Variants in FOLH1 observed in about 807,000 individuals in gnomAD.
The protein encoded by FOLH1 is glutamate carboxypeptidase 2.
Under a neutral mutation model 93.9 loss-of-function variants are expected in FOLH1, and 54 were observed. That is an observed-to-expected ratio of 0.57 (90% CI 0.46 to 0.72). FOLH1 has a LOEUF of 0.72. Among genes scored for constraint, FOLH1 ranks in the 30% least tolerant of loss-of-function variants. The probability of loss-of-function intolerance (pLI) is 0.00; values close to 1 mark genes in which losing one functional copy is unlikely to be tolerated. For missense variants in FOLH1, 571 were observed against 892.5 expected, an observed-to-expected ratio of 0.64 and a Z score of 4.59; for synonymous variants, 249 against 303.6, an observed-to-expected ratio of 0.82 and a Z score of 1.87.
At position 49,208,077 on chromosome 11, in the gene FOLH1, G is replaced by A; in HGVS notation, c.118+215C>T. The A allele has an allele frequency of 4.8e-6, 3 of 627,880 alleles. No individual in the cohort carries two copies. In the South Asian group the frequency reaches 5.8e-5, roughly 12 times the overall value. 38.9% of individuals were successfully genotyped at this position (627,880 alleles called of 1,614,324 possible). A position where few individuals can be genotyped will look rare whatever the true frequency, so the allele number is the denominator to read the frequency against. ...AGTTCTACCCTCAACCTGAGTGACT[G>A]TCCTACCAGCAGCTTGTCGAGAACT... On this transcript the variant is annotated intron_variant, in intron 1 of 18. Transcript: ENST00000256999.
At chr11:49,199,642 G>T (rs1054573901) in intron 3 of FOLH1, among the ~76,000 whole-genome samples, 3 of 152,190 alleles carry the variant, frequency 2.0e-5, no homozygotes, top group African/African-American at 7.2e-5. Context: ...CAGGCGCAGT[G>T]CCTCACACGT....
At chr11:49,152,629 G>A (rs1856612145) in intron 17 of FOLH1, among the ~76,000 whole-genome samples, 1 of 151,836 alleles carries the variant, frequency 6.6e-6, no homozygotes, top group Admixed American at 6.6e-5. Flanking sequence ...ATTTTCAGCT[G>A]GTTCTTTTGG....
intron 7 of FOLH1, among the ~76,000 whole-genome samples, chr11:49,181,127 A>G (rs1212986805): frequency 8.7e-6 from 1 of 115,282 alleles, no homozygotes; most frequent in Non-Finnish European, 1.8e-5. Context: ...TTTTTTTTTG[A>G]GACGGAGTCT....
intron 17 of FOLH1, among the ~76,000 whole-genome samples, chr11:49,152,693 AT>A (rs1217901735): frequency 1.3e-5 from 2 of 151,938 alleles, no homozygotes; most frequent in Non-Finnish European, 2.9e-5. Flanking sequence ...ATTACTCTCC[AT>A]TTTTGCTAGA....
chr11:49,168,751 G>A lies in FOLH1; in HGVS notation c.1372+444C>T, dbSNP rs543159064. On this transcript the variant is annotated intron_variant, in intron 12 of 18. Coordinates refer to ENST00000256999, the MANE Select transcript of FOLH1 (RefSeq NM_004476.3). ...CTCCCAAAGTGCTGCGATTACAGGC[G>A]TGAGCCACCGCACCCCACAAATGAT... Among the ~76,000 whole-genome samples, 5 of 152,244 alleles carry A rather than the reference G, an allele frequency of 3.3e-5. No homozygotes were observed. The South Asian group carries it at 6.2e-4, about 19-fold the overall frequency.
chr11:49,200,475 A>C (rs1863152085), intron 2 of FOLH1, 34 bp from the exon 3 acceptor site: 2 of 1,604,662 alleles, frequency 1.2e-6, no homozygotes. Flanking sequence ...GTTAGATATT[A>C]ATGTTTAATC....
In FOLH1 at chr11:49,145,472, T is replaced by A. The variant is rs753153704; in HGVS notation, c.*1284A>T. On this transcript the variant is annotated 3_prime_UTR_variant, in exon 19 of 19. Transcript: ENST00000256999. ...AGCGGCCAAGAGCTTCTCCTGAAAT[T>A]GTCCTTTGCCAAATTTGTAGTAGAG... 1.3e-5 allele frequency among the ~76,000 whole-genome samples: 2 copies of A among 152,166 alleles called. No individual in the cohort carries two copies. Among genetic ancestry groups the A allele is most frequent in the African/African-American group, 2.4e-5 (1 of 41,444 alleles).
intron 15 of FOLH1, 125 bp from the exon 16 acceptor site, chr11:49,154,617 C>A: frequency 6.8e-7 from 1 of 1,468,026 alleles, no homozygotes; most frequent in Non-Finnish European, 9.0e-7. Flanking sequence ...TTAAGCATCT[C>A]AATAAGCTAC....
At chr11:49,174,325 A>G (rs1484435802) in intron 9 of FOLH1, among the ~76,000 whole-genome samples, 1 of 152,206 alleles carries the variant, frequency 6.6e-6, no homozygotes, top group Non-Finnish European at 1.5e-5. Flanking sequence ...GAAATACAGA[A>G]CAAAATAGTT....
intron 7 of FOLH1, 70 bp downstream of exon 7, chr11:49,183,079 A>C: frequency 1.5e-6 from 2 of 1,352,510 alleles, no homozygotes; most frequent in South Asian, 2.7e-5. Context: ...TGGAGATAAA[A>C]GCCTAACATT....
intron 13 of FOLH1, among the ~76,000 whole-genome samples, chr11:49,163,264 G>C (rs1161522043): frequency 6.6e-6 from 1 of 152,082 alleles, no homozygotes; most frequent in Non-Finnish European, 1.5e-5. Context: ...GTTAGCCAGA[G>C]AACACCAGTG....
At chr11:49,151,697 A>G (rs1241269272) in intron 17 of FOLH1, among the ~76,000 whole-genome samples, 2 of 152,218 alleles carry the variant, frequency 1.3e-5, no homozygotes, top group African/African-American at 2.4e-5. Flanking sequence ...AAAATAAAAC[A>G]AATATAGAAA....
intron 7 of FOLH1, among the ~76,000 whole-genome samples, chr11:49,181,107 AT>A (rs35889777): frequency 0.47 from 62,990 of 133,140 alleles, 14,147 homozygotes; most frequent in Admixed American, 0.57. Context: ...CATGTTTTAA[AT>A]TTTTTTTTTT....
At chr11:49,149,275 T>C (rs1856182272) in intron 17 of FOLH1, among the ~76,000 whole-genome samples, 1 of 152,164 alleles carries the variant, frequency 6.6e-6, no homozygotes, top group Non-Finnish European at 1.5e-5. Context: ...CTTAAAATTA[T>C]ATCGTTTCAA....
Position 49,208,448 on chromosome 11 carries a change from T to G in FOLH1, c.-39A>C. On this transcript the variant is annotated 5_prime_UTR_variant, in exon 1 of 19. Transcript: ENST00000256999. ...GAGCCGGCCTCCCGGGACCCGCGCC[T>G]GTGCTGCTGCTCTACTGCGCGCCCT... 6.9e-7 allele frequency: 1 copy of G among 1,451,074 alleles called. No homozygotes were observed. Among genetic ancestry groups the G allele is most frequent in the Non-Finnish European group, 9.5e-7 (1 of 1,054,180 alleles). The allele number at this position is 1,451,074 out of a possible 1,614,324, so 89.9% of individuals were successfully genotyped here. A position where few individuals can be genotyped will look rare whatever the true frequency, so the allele number is the denominator to read the frequency against.
intron 7 of FOLH1, among the ~76,000 whole-genome samples, chr11:49,180,265 C>T (rs1860565972): frequency 6.6e-6 from 1 of 152,146 alleles, no homozygotes; most frequent in Non-Finnish European, 1.5e-5. Flanking sequence ...GTAATTAGCC[C>T]TCCATGCAGG....
Position 49,146,517 on chromosome 11 carries a change from A to T in FOLH1, c.*239T>A. ...ATATTAGGCCATTCTCCTTAGATTT[A>T]ATACTGAGTTAAATTTTTCCACTTC... On this transcript the variant is annotated 3_prime_UTR_variant, in exon 19 of 19. Transcript: ENST00000256999. The T allele has an allele frequency of 2.7e-6, 1 of 369,976 alleles. No homozygotes were observed. The highest frequency in any genetic ancestry group is 4.8e-6 in the Non-Finnish European group (1 of 209,472). The allele number at this position is 369,976 out of a possible 1,614,324, so 22.9% of individuals were successfully genotyped here. A position where few individuals can be genotyped will look rare whatever the true frequency, so the allele number is the denominator to read the frequency against.
rs1326716348 is a variant in FOLH1 at position 49,145,212 on chromosome 11, T to C, written c.*1544A>G. Among the ~76,000 whole-genome samples, 1 of 152,168 alleles carries C rather than the reference T, an allele frequency of 6.6e-6. No individual in the cohort carries two copies. Among genetic ancestry groups the C allele is most frequent in the Non-Finnish European group, 1.5e-5 (1 of 68,020 alleles). On this transcript the variant is annotated 3_prime_UTR_variant, in exon 19 of 19. Transcript: ENST00000256999. ...TCTGGGCCCATTAAATAGTTCTTCT[T>C]TGTCACGTGTTAATGATGTTAAACT...
intron 17 of FOLH1, among the ~76,000 whole-genome samples, chr11:49,149,891 T>C (rs1028298955): frequency 3.9e-5 from 6 of 152,172 alleles, no homozygotes; most frequent in African/African-American, 1.4e-4. Context: ...AAGTTTTCCA[T>C]ATTTAAAAAT....
Sources: gnomAD v4.1 joint callset for allele counts (sites outside exome capture counted in the v4.1 genomes callset) on GRCh38, gnomAD v4.1.1 for gene constraint, MANE v1.5 for transcripts, NCBI Gene and HGNC (gene_info 2026-07-23, HGNC 2026-07-21) for gene names.